Variants in AGBL4 observed in about 807,000 individuals in gnomAD.
AGBL4 encodes the protein cytosolic carboxypeptidase 6.
AGBL4 carries 58 observed loss-of-function variants against 66.4 expected under a neutral mutation model. The observed-to-expected ratio is 0.87, with a 90% confidence interval of 0.71 to 1.09. The LOEUF is 1.09. Among genes scored for constraint, AGBL4 ranks in the 50% least tolerant of loss-of-function variants. The pLI, the probability that AGBL4 is intolerant of heterozygous loss-of-function variation, is 0.00. For missense variants in AGBL4, 579 were observed against 631.0 expected, an observed-to-expected ratio of 0.92 and a Z score of 0.88; for synonymous variants, 234 against 222.9, an observed-to-expected ratio of 1.05 and a Z score of -0.44.
chr1:49,388,616 A>G (rs1355222298), intron 3 of AGBL4, among the ~76,000 whole-genome samples: 1 of 152,188 alleles, frequency 6.6e-6, no homozygotes, highest in Non-Finnish European at 1.5e-5. Flanking sequence ...TAAATATGCT[A>G]CAACATCACA....
intron 4 of AGBL4, among the ~76,000 whole-genome samples, chr1:49,176,920 T>C (rs1646843052): frequency 6.6e-6 from 1 of 152,136 alleles, no homozygotes; most frequent in African/African-American, 2.4e-5. Flanking sequence ...CAGATCATGA[T>C]GTGCTCCCAT....
At chr1:49,022,385 C>T (rs534157821) in intron 5 of AGBL4, among the ~76,000 whole-genome samples, 58 of 140,078 alleles carry the variant, frequency 4.1e-4, no homozygotes, top group African/African-American at 5.6e-4. Flanking sequence ...ATGAGGAACC[C>T]GAATATTCCT....
intron 6 of AGBL4, among the ~76,000 whole-genome samples, chr1:48,813,351 A>G (rs1357010914): frequency 2.0e-5 from 3 of 152,186 alleles, no homozygotes; most frequent in Non-Finnish European, 4.4e-5. Flanking sequence ...AACTGGCAGA[A>G]AAACAAAACA....
chr1:48,760,171 T>C (rs1334984907), intron 6 of AGBL4, among the ~76,000 whole-genome samples: 1 of 152,204 alleles, frequency 6.6e-6, no homozygotes, highest in Non-Finnish European at 1.5e-5. Context: ...AAGAGAATTA[T>C]CCAGGACCCC....
At chr1:49,603,696 G>A (rs1645009452) in intron 3 of AGBL4, among the ~76,000 whole-genome samples, 1 of 151,932 alleles carries the variant, frequency 6.6e-6, no homozygotes, top group East Asian at 1.9e-4. Context: ...CCAACAGGTA[G>A]TTTTTCTACC....
chr1:49,385,268 A>G (rs1317291155), intron 3 of AGBL4, among the ~76,000 whole-genome samples: 1 of 152,152 alleles, frequency 6.6e-6, no homozygotes, highest in African/African-American at 2.4e-5. Context: ...TATACCTACA[A>G]ATGGTTAGGA....
intron 9 of AGBL4, among the ~76,000 whole-genome samples, chr1:48,626,518 G>C (rs1645505065): frequency 6.6e-6 from 1 of 152,230 alleles, no homozygotes; most frequent in Non-Finnish European, 1.5e-5. Context: ...CTGCCCATCA[G>C]TGGATCAAGA....
intron 2 of AGBL4, among the ~76,000 whole-genome samples, chr1:49,757,490 A>G (rs1651979200): frequency 6.6e-6 from 1 of 152,192 alleles, no homozygotes; most frequent in Non-Finnish European, 1.5e-5. Context: ...AGAGACTTGT[A>G]GGGCTCAGAA....
intron 9 of AGBL4, among the ~76,000 whole-genome samples, chr1:48,609,535 C>A (rs534234574): frequency 1.1e-4 from 16 of 152,300 alleles, no homozygotes; most frequent in African/African-American, 3.8e-4. Flanking sequence ...AATCCTCCCA[C>A]CTCAGCCTTA....
chr1:48,766,229 A>T (rs1644522199), intron 6 of AGBL4, among the ~76,000 whole-genome samples: 1 of 152,264 alleles, frequency 6.6e-6, no homozygotes, highest in South Asian at 2.1e-4. Context: ...TTTTCCAAAA[A>T]AGAAGAAATG....
chr1:49,171,303 G>T (rs1166627366), intron 4 of AGBL4, among the ~76,000 whole-genome samples: 2 of 152,158 alleles, frequency 1.3e-5, no homozygotes, highest in African/African-American at 4.8e-5. Flanking sequence ...CCTATAGTGG[G>T]TGGACAGATA....
chr1:49,611,535 C>A (rs1230603322), intron 3 of AGBL4, among the ~76,000 whole-genome samples: 1 of 151,600 alleles, frequency 6.6e-6, no homozygotes, highest in African/African-American at 2.4e-5. Flanking sequence ...GCCACCATGC[C>A]CAGCTAATTT....
At chr1:49,606,551 G>A (rs1386704251) in intron 3 of AGBL4, among the ~76,000 whole-genome samples, 1 of 152,074 alleles carries the variant, frequency 6.6e-6, no homozygotes, top group Non-Finnish European at 1.5e-5. Flanking sequence ...TTTCAGTCTT[G>A]AAGACTCCCC....
chr1:48,816,315 G>A (rs777623102), intron 6 of AGBL4, among the ~76,000 whole-genome samples: 3 of 152,124 alleles, frequency 2.0e-5, no homozygotes, highest in Admixed American at 6.6e-5. Context: ...GGGCAGATAC[G>A]ATTTGAAGTC....
In AGBL4 at chr1:49,744,307, T is replaced by C. The variant is rs1180880401; in HGVS notation, c.158-46870A>G. 3.9e-5 allele frequency among the ~76,000 whole-genome samples: 6 copies of C among 152,116 alleles called. No individual in the cohort carries two copies. The South Asian group carries it at 8.3e-4, about 21-fold the overall frequency. On this transcript the variant is annotated intron_variant, in intron 2 of 13. Transcript: ENST00000371839. The stretch of plus-strand genomic sequence containing the variant: ...ATCATCTCCACCCTCTCTCTCTCTC[T>C]CTTGCTCCTGCTCCCACCATGTGAG...
intron 8 of AGBL4, among the ~76,000 whole-genome samples, chr1:48,637,124 T>C (rs527611925): frequency 2.0e-5 from 3 of 152,246 alleles, no homozygotes; most frequent in Non-Finnish European, 4.4e-5. Context: ...TTAAATGAGC[T>C]AATGCATAGG....
intron 5 of AGBL4, among the ~76,000 whole-genome samples, chr1:48,909,094 A>C (rs991906989): frequency 3.3e-5 from 5 of 152,112 alleles, no homozygotes; most frequent in African/African-American, 1.2e-4. Context: ...GTCCCTTTAC[A>C]TTTGCTGCTT....
chr1:49,820,155 G>A (rs1473578956), intron 2 of AGBL4, among the ~76,000 whole-genome samples: 3 of 152,140 alleles, frequency 2.0e-5, no homozygotes, highest in Non-Finnish European at 4.4e-5. Context: ...CCTAGCGTAA[G>A]CATCACATAC....
At position 48,697,752 on chromosome 1, in the gene AGBL4, T is replaced by C. The variant is rs139343603; in HGVS notation, c.635-34511A>G. ...CCTTGAGACATACCCAGAATAAAGA[T>C]ACAGAAAGAATGGTGACAGAAACCT... On this transcript the variant is annotated intron_variant, in intron 6 of 13. Transcript: ENST00000371839. 1.1e-3 allele frequency among the ~76,000 whole-genome samples: 174 copies of C among 152,268 alleles called. 1 individual carries two copies. The highest frequency in any genetic ancestry group is 0.01 in the Middle Eastern group (3 of 294).
Sources: gnomAD v4.1 joint callset for allele counts (sites outside exome capture counted in the v4.1 genomes callset) on GRCh38, gnomAD v4.1.1 for gene constraint, MANE v1.5 for transcripts, NCBI Gene and HGNC (gene_info 2026-07-23, HGNC 2026-07-21) for gene names.